ADAM8: variants seen among roughly 807,000 people sequenced by gnomAD.
ADAM8 encodes the protein disintegrin and metalloproteinase domain-containing protein 8.
A neutral mutation model predicts 102.4 loss-of-function variants in ADAM8; 104 were observed. The ratio of observed to expected loss-of-function variants is 1.02; its 90% confidence interval spans 0.87 to 1.20. ADAM8 has a LOEUF of 1.20. Among genes scored for constraint, ADAM8 ranks in the 50% most tolerant of loss-of-function variants. The pLI is 0.00. For synonymous variants in ADAM8, 517 were observed against 485.2 expected (o/e 1.07, Z -0.86); for missense variants, 1,132 against 1,159.0 (o/e 0.98, Z 0.34).
At position 133,272,851 on chromosome 10, in the gene ADAM8, TC is replaced by T. The variant is rs773215416; in HGVS notation, c.651del (p.Ser218AlafsTer13). On this transcript the variant is annotated frameshift_variant, in exon 8 of 23. Coordinates refer to ENST00000445355, the MANE Select transcript of ADAM8 (RefSeq NM_001109.5). LOFTEE classifies it high-confidence loss of function. Reference protein sequence around the residue: ...VVDNAEFQMLGSEAAVRHRVL... With the variant: ...VVDNAEFQMLXSEAAVRHRVL... Reference sequence around the variant, plus strand: ...ACCCGATGACGCACGGCTGCTTCGCTCCCCAGCATCTGGAACTGGGGACACG... The same window carrying T: ...ACCCGATGACGCACGGCTGCTTCGCTCCCAGCATCTGGAACTGGGGACACG... 7 of 1,610,924 alleles carry T rather than the reference TC, an allele frequency of 4.3e-6. No individual in the cohort carries two copies. The highest frequency in any genetic ancestry group is 5.9e-6 in the Non-Finnish European group (7 of 1,178,712).
In ADAM8 at chr10:133,271,788, A is replaced by C. The variant is rs766410899; in HGVS notation, c.1106+18T>G. ...TACCTCCAGCATACCCTGGCTCTGC[A>C]GGGCCTGGCCGCCTCACCCAATGCT... On this transcript the variant is annotated intron_variant, in intron 11 of 22. Coordinates refer to ENST00000445355, the MANE Select transcript of ADAM8 (RefSeq NM_001109.5). 1 of 1,569,524 alleles carries C rather than the reference A, an allele frequency of 6.4e-7. No homozygotes were observed. The highest frequency in any genetic ancestry group is 1.1e-5 in the South Asian group (1 of 90,080).
Position 133,271,689 on chromosome 10 carries a change from T to C in ADAM8, c.1123A>G (p.Met375Val). Residue 375 changes from methionine (M) to valine (V), a missense_variant, in exon 12 of 23, where the codon ATG (methionine) becomes GTG (valine). Physicochemically the swap from Met to Val is conservative, Grantham distance 21 (BLOSUM62 1). Transcript: ENST00000445355. ...TAGGCCTGGCTGCAGTCACTGAACA[T>C]CCTGGGGAAACTGGAGCTGGGGAGG... ...AGSIGSSFPRMFSDCSQAYLE... is the reference protein window; with the variant it reads ...AGSIGSSFPRVFSDCSQAYLE... 6.3e-7 allele frequency: 1 copy of C among 1,579,420 alleles called. No individual in the cohort carries two copies. The highest frequency in any genetic ancestry group is 1.9e-5 in the Admixed American group (1 of 53,960).
intron 22 of ADAM8, 79 bp from the exon 23 acceptor site, chr10:133,263,312 G>T: frequency 1.5e-6 from 2 of 1,335,326 alleles, no homozygotes; most frequent in Non-Finnish European, 2.0e-6. Flanking sequence ...GAAATTTTAC[G>T]TCCTTTAACA....
intron 11 of ADAM8, 43 bp downstream of exon 11, chr10:133,271,763 T>C (rs772279087): frequency 2.6e-6 from 4 of 1,560,456 alleles, no homozygotes; most frequent in South Asian, 2.2e-5. Context: ...ACCCACCTCG[T>C]ACCTCCAGCA....
In ADAM8 at chr10:133,271,669, C is replaced by A; in HGVS notation, c.1143G>T (p.Gln381His). 1 of 1,567,182 alleles carries A rather than the reference C, an allele frequency of 6.4e-7. No homozygotes were observed. Reference sequence around the variant, plus strand: ...GCTCCAAAAAGCTCTCCAGGTAGGCCTGGCTGCAGTCACTGAACATCCTGG... The same window carrying A: ...GCTCCAAAAAGCTCTCCAGGTAGGCATGGCTGCAGTCACTGAACATCCTGG... The part of the protein sequence containing the change: ...SFPRMFSDCS[Q>H]AYLESFLERP... Residue 381 changes from glutamine (Q) to histidine (H), a missense_variant, in exon 12 of 23, where the codon CAG becomes CAT. Physicochemically the swap from Gln to His is conservative, Grantham distance 24. Coordinates refer to ENST00000445355, the MANE Select transcript of ADAM8 (RefSeq NM_001109.5).
chr10:133,267,403 C>T lies in ADAM8; in HGVS notation c.2268G>A (p.Val756=). Residue 756 remains valine, a synonymous_variant, in exon 21 of 23, where the codon GTG becomes GTA. Coordinates refer to ENST00000445355, the MANE Select transcript of ADAM8 (RefSeq NM_001109.5). ...KRPPPAPPVT[V]SSPPFPVPVY... ...CAGGAACTGGGAAGGGTGGGCTGGACACAGTGACCGGAGGCTGGAGGAGAC... is the reference window on the plus strand; with the variant it reads ...CAGGAACTGGGAAGGGTGGGCTGGATACAGTGACCGGAGGCTGGAGGAGAC... 1 of 1,609,988 alleles carries T rather than the reference C, an allele frequency of 6.2e-7. No individual in the cohort carries two copies. The highest frequency in any genetic ancestry group is 8.5e-7 in the Non-Finnish European group (1 of 1,179,030).
chr10:133,263,812 G>A (rs375940412), intron 21 of ADAM8, 47 bp from the exon 22 acceptor site: 38 of 1,409,846 alleles, frequency 2.7e-5, no homozygotes, highest in African/African-American at 2.4e-4. Flanking sequence ...AGGCACTCCC[G>A]GCTCTAGCCT....
chr10:133,268,047 G>T lies in ADAM8; in HGVS notation c.2135C>A (p.Ala712Asp). 1 of 1,265,560 alleles carries T rather than the reference G, an allele frequency of 7.9e-7. No homozygotes were observed. The highest frequency in any genetic ancestry group is 1.0e-6 in the Non-Finnish European group (1 of 998,368). 78.4% of individuals were successfully genotyped at this position (1,265,560 alleles called of 1,614,324 possible). ...LFHQAASRVP[A>D]KGGAPAPSRG... is the part of the protein sequence containing the mutation. The stretch of plus-strand genomic sequence containing the variant: ...GGATGGGGCTGGAGCCCCGCCCTTG[G>T]CCGGCACGCGGCTGGCAGCCTGGTG... Residue 712 changes from alanine to aspartate, a missense_variant, in exon 20 of 23, where the codon GCC (alanine) becomes GAC (aspartate). By Grantham distance (126) the Ala-to-Asp change is moderately radical. Transcript: ENST00000445355.
At chr10:133,268,721 C>T (rs772611508) in intron 19 of ADAM8, 27 bp downstream of exon 19, 10 of 1,597,790 alleles carry the variant, frequency 6.3e-6, no homozygotes, top group Non-Finnish European at 8.5e-7. Flanking sequence ...ACTCGCCACC[C>T]TCCGTCACAG....
At chr10:133,263,497 C>T (rs1846225830) in intron 22 of ADAM8, among the ~76,000 whole-genome samples, 191 bp downstream of exon 22, 1 of 148,820 alleles carries the variant, frequency 6.7e-6, no homozygotes, top group African/African-American at 2.5e-5. Flanking sequence ...TGAGAAGTCC[C>T]CTGATCACAG....
intron 8 of ADAM8, 80 bp from the exon 9 acceptor site, chr10:133,272,665 C>T (rs1846580398): frequency 6.5e-7 from 1 of 1,545,130 alleles, no homozygotes; most frequent in African/African-American, 1.4e-5. Flanking sequence ...GAGGATGCAC[C>T]TGTCCCACGG....
intron 21 of ADAM8, among the ~76,000 whole-genome samples, chr10:133,265,998 T>C (rs1295194207): frequency 2.6e-5 from 4 of 152,284 alleles, no homozygotes; most frequent in African/African-American, 4.8e-5. Flanking sequence ...CTGCTCCAAC[T>C]AGGCGCTGTG....
In ADAM8 at chr10:133,267,384, C is replaced by T. The variant is rs1846357794; in HGVS notation, c.2287G>A (p.Val763Ile). ...GGTGCCTGCCGGGTGTAGACAGGAACTGGGAAGGGTGGGCTGGACACAGTG... is the reference window on the plus strand; with the variant it reads ...GGTGCCTGCCGGGTGTAGACAGGAATTGGGAAGGGTGGGCTGGACACAGTG... Reference protein sequence around the residue: ...PVTVSSPPFPVPVYTRQAPKQ... With the variant: ...PVTVSSPPFPIPVYTRQAPKQ... The change falls in exon 21 of 23, where the codon GTT (valine) becomes ATT (isoleucine). Residue 763 changes from valine (V) to isoleucine (I), a missense_variant. Val to Ile is a conservative substitution (Grantham distance 29). Coordinates refer to ENST00000445355, the MANE Select transcript of ADAM8 (RefSeq NM_001109.5). 25 of 1,610,496 alleles carry T rather than the reference C, an allele frequency of 1.6e-5. No homozygotes were observed. The highest frequency in any genetic ancestry group is 2.0e-5 in the Non-Finnish European group (24 of 1,179,234).
intron 19 of ADAM8, 136 bp from the exon 20 acceptor site, chr10:133,268,254 G>A: frequency 1.3e-6 from 1 of 791,954 alleles, no homozygotes; most frequent in South Asian, 6.1e-5. Flanking sequence ...GAGACAGACA[G>A]GCCCAGGAGG....
intron 20 of ADAM8, among the ~76,000 whole-genome samples, 189 bp from the exon 21 acceptor site, chr10:133,267,606 G>A (rs1846365888): frequency 6.6e-6 from 1 of 152,230 alleles, no homozygotes; most frequent in Admixed American, 6.5e-5. Flanking sequence ...CCCGAGCTGG[G>A]GGCCGGAGAG....
intron 21 of ADAM8, among the ~76,000 whole-genome samples, chr10:133,266,102 G>A (rs973000521): frequency 2.6e-5 from 4 of 152,048 alleles, no homozygotes; most frequent in African/African-American, 9.7e-5. Context: ...AACAGTGCAG[G>A]GCCCTCATCC....
chr10:133,276,839 C>A lies in ADAM8; in HGVS notation c.-22G>T. 1 of 1,517,766 alleles carries A rather than the reference C, an allele frequency of 6.6e-7. No homozygotes were observed. The highest frequency in any genetic ancestry group is 8.8e-7 in the Non-Finnish European group (1 of 1,136,720). 94.0% of individuals were successfully genotyped at this position (1,517,766 alleles called of 1,614,324 possible). On this transcript the variant is annotated 5_prime_UTR_variant, in exon 1 of 23. Transcript: ENST00000445355. The stretch of plus-strand genomic sequence containing the variant: ...GCATGGCCGGGTCGGGGAGCAGAGG[C>A]GGAGGTGACAGCCCCGCGGGACACG...
chr10:133,263,759 T>C lies in ADAM8; in HGVS notation c.2326A>G (p.Lys776Glu). The part of the protein sequence containing the change: ...YTRQAPKQVI[K>E]PTFAPPVPPV... ...GGCACTGGGGGTGCGAACGTTGGCTTGATGACCTGGGAGGAAACAGACACA... is the reference window on the plus strand; with the variant it reads ...GGCACTGGGGGTGCGAACGTTGGCTCGATGACCTGGGAGGAAACAGACACA... Residue 776 changes from lysine (K) to glutamate (E), a missense_variant, in exon 22 of 23, where the codon AAG (lysine) becomes GAG (glutamate). By Grantham distance (56) the Lys-to-Glu change is moderately conservative. Coordinates refer to ENST00000445355, the MANE Select transcript of ADAM8 (RefSeq NM_001109.5). 6.5e-7 allele frequency: 1 copy of C among 1,537,566 alleles called. No homozygotes were observed.
In ADAM8 at chr10:133,270,780, G is replaced by A. The variant is rs749851228; in HGVS notation, c.1590C>T (p.Cys530=). The change falls in exon 15 of 23, where the codon TGC becomes TGT. Residue 530 remains cysteine, a synonymous_variant. Coordinates refer to ENST00000445355, the MANE Select transcript of ADAM8 (RefSeq NM_001109.5). The stretch of plus-strand genomic sequence containing the variant: ...AGCCTGGTAGGATGTCATAGGAGAA[G>A]CAGGACTCCTCGGCAGCCTGCCCAC... The part of the protein sequence containing the change: ...GPGGQAAEES[C]FSYDILPGCK... 1.5e-5 allele frequency: 24 copies of A among 1,611,374 alleles called. No homozygotes were observed. Among genetic ancestry groups the A allele is most frequent in the Non-Finnish European group, 2.0e-5 (23 of 1,179,310 alleles).
Sources: allele counts gnomAD v4.1 joint callset (sites outside exome capture counted in the v4.1 genomes callset), GRCh38; gene constraint gnomAD v4.1.1; transcripts MANE v1.5; gene names NCBI Gene and HGNC (gene_info 2026-07-23, HGNC 2026-07-21).